Variants in RPGRIP1L observed in about 807,000 individuals in gnomAD.
RPGRIP1L encodes protein fantom.
In RPGRIP1L, 131 loss-of-function variants were observed where a neutral mutation model predicts 160.4. That is an observed-to-expected ratio of 0.82 (90% CI 0.71 to 0.94). The LOEUF (loss-of-function observed/expected upper bound fraction) is 0.94, where lower values mean the gene tolerates loss of function less well. Among genes scored for constraint, RPGRIP1L ranks in the 40% least tolerant of loss-of-function variants. The probability of loss-of-function intolerance (pLI) is 0.00; values close to 1 mark genes in which losing one functional copy is unlikely to be tolerated. For synonymous variants in RPGRIP1L, 510 were observed against 515.8 expected, an observed-to-expected ratio of 0.99 and a Z score of 0.15; for missense variants, 1,522 against 1,535.8, an observed-to-expected ratio of 0.99 and a Z score of 0.15.
intron 25 of RPGRIP1L, among the ~76,000 whole-genome samples, chr16:53,605,843 A>C (rs569080837): frequency 6.6e-6 from 1 of 152,354 alleles, no homozygotes; most frequent in African/African-American, 2.4e-5. Flanking sequence ...GCACTGATTA[A>C]CATTTATCTC....
At chr16:53,641,549 T>C (rs771945380) in intron 17 of RPGRIP1L, 74 bp from the exon 18 acceptor site, 104 of 1,287,734 alleles carry the variant, frequency 8.1e-5, no homozygotes, top group Non-Finnish European at 1.1e-4. Flanking sequence ...AACAAAGAAC[T>C]ACTCCCTACT....
At position 53,684,843 on chromosome 16, in the gene RPGRIP1L, A is replaced by G. The variant is rs377579869; in HGVS notation, c.776+1590T>C. The stretch of plus-strand genomic sequence containing the variant: ...CGAAGATGCCAAAAGCAATTGCAGC[A>G]AAAGCAAAATTGACAAATGGGATCT... On this transcript the variant is annotated intron_variant, in intron 6 of 26. Coordinates refer to ENST00000647211, the MANE Select transcript of RPGRIP1L (RefSeq NM_015272.5). Among the ~76,000 whole-genome samples, 8 of 152,306 alleles carry G rather than the reference A, an allele frequency of 5.3e-5. No homozygotes were observed. The South Asian group carries it at 8.3e-4, about 16-fold the overall frequency.
At chr16:53,611,640 G>A (rs1200694661) in intron 24 of RPGRIP1L, among the ~76,000 whole-genome samples, 2 of 152,218 alleles carry the variant, frequency 1.3e-5, no homozygotes, top group Non-Finnish European at 2.9e-5. Context: ...TGCTGGCATC[G>A]AGGAATGTGG....
At chr16:53,604,924 T>A (rs1439169800) in intron 26 of RPGRIP1L, among the ~76,000 whole-genome samples, 2 of 152,136 alleles carry the variant, frequency 1.3e-5, no homozygotes, top group African/African-American at 4.8e-5. Flanking sequence ...ACGCCTGTAG[T>A]CCGGGCATTT....
chr16:53,668,242 G>C (rs1968441647), intron 9 of RPGRIP1L, among the ~76,000 whole-genome samples: 1 of 152,146 alleles, frequency 6.6e-6, no homozygotes, highest in Non-Finnish European at 1.5e-5. Flanking sequence ...ATGGTTTCTA[G>C]AAGGTTACAG....
At chr16:53,653,418 G>A in intron 14 of RPGRIP1L, 1 of 848,828 alleles carries the variant, frequency 1.2e-6, no homozygotes, top group Non-Finnish European at 1.4e-6. Context: ...GTGGGGTGAT[G>A]GATAAGTTTA....
intron 3 of RPGRIP1L, 35 bp downstream of exon 3, chr16:53,696,116 G>C (rs1386151878): frequency 6.2e-7 from 1 of 1,607,294 alleles, no homozygotes; most frequent in Admixed American, 1.7e-5. Flanking sequence ...ATTTTACTGA[G>C]TCAAGAAAAA....
intron 9 of RPGRIP1L, among the ~76,000 whole-genome samples, chr16:53,669,903 A>G (rs1034123816): frequency 1.3e-5 from 2 of 152,180 alleles, no homozygotes; most frequent in Non-Finnish European, 2.9e-5. Context: ...TTTTAGTTCT[A>G]AACTAGAGTC....
chr16:53,637,892 C>T (rs760119997), intron 20 of RPGRIP1L, 38 bp from the exon 21 acceptor site: 4 of 1,590,796 alleles, frequency 2.5e-6, no homozygotes, highest in Admixed American at 1.7e-5. Context: ...TTTATAATTG[C>T]TTAGATCACA....
At position 53,609,977 on chromosome 16, in the gene RPGRIP1L, G is replaced by A. The variant is rs565673017; in HGVS notation, c.3701+990C>T. ...ATTCACTTTATGGCCCTCTGGAAAGGAAAGAACTTGAGTCTCCTAAGGCGG... is the reference window on the plus strand; with the variant it reads ...ATTCACTTTATGGCCCTCTGGAAAGAAAAGAACTTGAGTCTCCTAAGGCGG... On this transcript the variant is annotated intron_variant, in intron 25 of 26. Coordinates refer to ENST00000647211, the MANE Select transcript of RPGRIP1L (RefSeq NM_015272.5). Among the ~76,000 whole-genome samples the A allele has an allele frequency of 2.6e-5, 4 of 152,064 alleles. No individual in the cohort carries two copies. The South Asian group carries it at 8.3e-4, about 31-fold the overall frequency.
Position 53,602,497 on chromosome 16 carries a change from C to T in RPGRIP1L, c.3836-309G>A, listed in dbSNP as rs4784321. 0.33 allele frequency among the ~76,000 whole-genome samples: 49,768 copies of T among 151,974 alleles called. 10,090 individuals are homozygous for T. The highest frequency in any genetic ancestry group is 0.58 in the African/African-American group (23,901 of 41,414). ...CAATCAGAATTTTTAAGCTACTGGACGGGCATGGTGGCTCATGCCTGTAAT... is the reference window on the plus strand; with the variant it reads ...CAATCAGAATTTTTAAGCTACTGGATGGGCATGGTGGCTCATGCCTGTAAT... On this transcript the variant is annotated intron_variant, in intron 26 of 26. Coordinates refer to ENST00000647211, the MANE Select transcript of RPGRIP1L (RefSeq NM_015272.5).
At chr16:53,625,393 G>A (rs938245697) in intron 22 of RPGRIP1L, among the ~76,000 whole-genome samples, 9 of 150,432 alleles carry the variant, frequency 6.0e-5, no homozygotes, top group Non-Finnish European at 8.9e-5. Context: ...GGAACTGGGG[G>A]GGGCGCCTCA....
At chr16:53,701,822 G>A (rs1388651057) in intron 1 of RPGRIP1L, 3 of 151,836 alleles carry the variant, frequency 2.0e-5, no homozygotes, top group Admixed American at 1.3e-4. Context: ...ACCAAATTTT[G>A]TATGTATATG....
chr16:53,643,516 G>A lies in RPGRIP1L; in HGVS notation c.2684-2041C>T, dbSNP rs147814196. ...AGGCTTGTAGACTGAACTTTGATTT[G>A]AATGCATCCTCCATGCCACACACTG... On this transcript the variant is annotated intron_variant, in intron 17 of 26. Coordinates refer to ENST00000647211, the MANE Select transcript of RPGRIP1L (RefSeq NM_015272.5). 3.8e-3 allele frequency among the ~76,000 whole-genome samples: 584 copies of A among 152,214 alleles called. 7 individuals are homozygous for A. The highest frequency in any genetic ancestry group is 0.014 in the African/African-American group (570 of 41,554).
chr16:53,620,616 G>T (rs1964646165), intron 23 of RPGRIP1L, among the ~76,000 whole-genome samples: 2 of 152,146 alleles, frequency 1.3e-5, no homozygotes, highest in Admixed American at 1.3e-4. Context: ...TCATTAAAGT[G>T]ATGGTCTTTG....
intron 22 of RPGRIP1L, among the ~76,000 whole-genome samples, chr16:53,636,201 T>C (rs1965822012): frequency 6.6e-6 from 1 of 152,172 alleles, no homozygotes; most frequent in Admixed American, 6.5e-5. Context: ...CTATTGGAGG[T>C]ACAGATTTAA....
At position 53,692,366 on chromosome 16, in the gene RPGRIP1L, T is replaced by C; in HGVS notation, c.231-2A>G. On this transcript the variant is annotated splice_acceptor_variant, in intron 3 of 26. Coordinates refer to ENST00000647211, the MANE Select transcript of RPGRIP1L (RefSeq NM_015272.5). LOFTEE classifies it high-confidence loss of function. ...AGCCGTATTAACTTGGTGGCCATTC[T>C]GGGGAAATAATAAAAAGATGAAAAG... is the stretch of plus-strand genomic sequence containing the variant. 1 of 1,613,318 alleles carries C rather than the reference T, an allele frequency of 6.2e-7. No homozygotes were observed. Among genetic ancestry groups the C allele is most frequent in the Non-Finnish European group, 8.5e-7 (1 of 1,179,326 alleles).
intron 6 of RPGRIP1L, among the ~76,000 whole-genome samples, chr16:53,685,041 ACAAAGTGGG>A (rs1031724058): frequency 1.3e-5 from 2 of 152,204 alleles, no homozygotes; most frequent in African/African-American, 4.8e-5. Flanking sequence ...CAACCCCATT[ACAAAGTGGG>A]CAAAGGACAT....
chr16:53,692,753 T>C (rs960126297), intron 3 of RPGRIP1L, among the ~76,000 whole-genome samples: 8 of 152,234 alleles, frequency 5.3e-5, no homozygotes, highest in African/African-American at 1.9e-4. Flanking sequence ...GTTAAAACTT[T>C]TGAAAAGTGT....
Sources: allele counts gnomAD v4.1 joint callset (sites outside exome capture counted in the v4.1 genomes callset), GRCh38; gene constraint gnomAD v4.1.1; transcripts MANE v1.5; gene names NCBI Gene and HGNC (gene_info 2026-07-23, HGNC 2026-07-21).